Variants in SLFN14 observed in about 807,000 individuals in gnomAD.
SLFN14 encodes schlafen family member 14, also known as protein SLFN14.
SLFN14 carries 47 observed loss-of-function variants against 58.6 expected under a neutral mutation model. That is an observed-to-expected ratio of 0.80 (90% CI 0.64 to 1.02). SLFN14 has a LOEUF of 1.02. Among genes scored for constraint, SLFN14 ranks in the 50% least tolerant of loss-of-function variants. The probability of loss-of-function intolerance (pLI) is 0.00; values close to 1 mark genes in which losing one functional copy is unlikely to be tolerated. For synonymous variants in SLFN14, 390 were observed against 387.3 expected (o/e 1.01, Z -0.08); for missense variants, 967 against 1,078.4 (o/e 0.90, Z 1.45).
Position 35,548,476 on chromosome 17 carries a change from T to A in SLFN14, c.2502A>T (p.Lys834Asn). ...DRGRYRLALLKAMELIETHRP... is the reference protein window; with the variant it reads ...DRGRYRLALLNAMELIETHRP... The stretch of plus-strand genomic sequence containing the variant: ...TGTGGGTCTCAATTAATTCCATTGC[T>A]TTGAGTAGTGCAAGCCTATAGCGTC... Residue 834 changes from lysine to asparagine, a missense_variant, in exon 6 of 6, where the codon AAA (lysine) becomes AAT (asparagine). Lys to Asn is a moderately conservative substitution (Grantham distance 94). Transcript: ENST00000674182. 1.3e-6 allele frequency: 2 copies of A among 1,551,760 alleles called. No individual in the cohort carries two copies. Among genetic ancestry groups the A allele is most frequent in the Non-Finnish European group, 8.7e-7 (1 of 1,147,010 alleles).
chr17:35,553,142 T>C lies in SLFN14; in HGVS notation c.1492A>G (p.Thr498Ala), dbSNP rs2072612941. 1.9e-6 allele frequency: 3 copies of C among 1,551,596 alleles called. No individual in the cohort carries two copies. Among genetic ancestry groups the C allele is most frequent in the Admixed American group, 2.0e-5 (1 of 50,984 alleles). Residue 498 changes from threonine (T) to alanine (A), a missense_variant, in exon 5 of 6, where the codon ACT becomes GCT. Thr to Ala is a moderately conservative substitution (Grantham distance 58, BLOSUM62 0). Coordinates refer to ENST00000674182, the MANE Select transcript of SLFN14 (RefSeq NM_001129820.2). ...TAHQLKQKLQ[T>A]VGGYTGKVCI... ...ACTTTCCCTGTGTAACCACCAACAG[T>C]TTGCAGTTTCTGCTTTAACTGATGA...
chr17:35,555,299 G>A lies in SLFN14; in HGVS notation c.1061-595C>T, dbSNP rs543306384. On this transcript the variant is annotated intron_variant, in intron 3 of 5. Transcript: ENST00000674182. ...AGGCAGGAGAATGGGGTGAACCCAG[G>A]AGACGGAGCTTGCAGTGAGCCGAGA... Among the ~76,000 whole-genome samples, 13 of 152,110 alleles carry A rather than the reference G, an allele frequency of 8.5e-5. No homozygotes were observed. In the East Asian group the frequency reaches 2.5e-3, roughly 29 times the overall value.
intron 3 of SLFN14, among the ~76,000 whole-genome samples, chr17:35,554,964 G>C (rs1478516525): frequency 4.6e-5 from 7 of 152,004 alleles, no homozygotes; most frequent in Non-Finnish European, 1.0e-4. Flanking sequence ...CTCTCACGCT[G>C]GAGTGAAGTA....
chr17:35,548,177 G>A lies in SLFN14; in HGVS notation c.*62C>T. 6.9e-7 allele frequency: 1 copy of A among 1,447,168 alleles called. No individual in the cohort carries two copies. The highest frequency in any genetic ancestry group is 2.2e-5 in the Admixed American group (1 of 45,730). The allele number at this position is 1,447,168 out of a possible 1,614,324, so 89.6% of individuals were successfully genotyped here. A position where few individuals can be genotyped will look rare whatever the true frequency, so the allele number is the denominator to read the frequency against. On this transcript the variant is annotated 3_prime_UTR_variant, in exon 6 of 6. Coordinates refer to ENST00000674182, the MANE Select transcript of SLFN14 (RefSeq NM_001129820.2). Reference sequence around the variant, plus strand: ...CTTGTAATATTAAAATGGAGTCACTGCTACCTGTCTAGGAGAAAGGACTCT... The same window carrying A: ...CTTGTAATATTAAAATGGAGTCACTACTACCTGTCTAGGAGAAAGGACTCT...
At chr17:35,552,705 T>C (rs1174286739) in intron 5 of SLFN14, 25 bp downstream of exon 5, 1 of 1,465,506 alleles carries the variant, frequency 6.8e-7, no homozygotes, top group Non-Finnish European at 9.2e-7. Context: ...TATTTTTGTG[T>C]GTGTGTAGTT....
At chr17:35,553,476 C>T (rs1467376735) in intron 4 of SLFN14, 32 bp from the exon 5 acceptor site, 4 of 1,464,456 alleles carry the variant, frequency 2.7e-6, no homozygotes, top group Admixed American at 5.0e-5. Context: ...GTTACCAAAA[C>T]TTACAAAAGC....
intron 3 of SLFN14, among the ~76,000 whole-genome samples, chr17:35,555,208 T>G (rs1435765383): frequency 1.3e-5 from 2 of 151,568 alleles, no homozygotes; most frequent in African/African-American, 2.4e-5. Flanking sequence ...CCGTCTCTAC[T>G]AAAAACAAAA....
Position 35,549,094 on chromosome 17 carries a change from G to C in SLFN14, c.1905-21C>G, listed in dbSNP as rs981909611. 10 of 1,535,340 alleles carry C rather than the reference G, an allele frequency of 6.5e-6. No individual in the cohort carries two copies. The African/African-American group carries it at 1.4e-4, about 21-fold the overall frequency. Reference sequence around the variant, plus strand: ...GTTGGCTGTAAGGACGGAAAAAACAGGGCTTGAGGCATATCAACAAAGAGA... The same window carrying C: ...GTTGGCTGTAAGGACGGAAAAAACACGGCTTGAGGCATATCAACAAAGAGA... On this transcript the variant is annotated intron_variant, in intron 5 of 5. Transcript: ENST00000674182.
chr17:35,545,552 T>G lies in SLFN14; in HGVS notation c.*2687A>C, dbSNP rs112250211. Among the ~76,000 whole-genome samples the G allele has an allele frequency of 0.022, 3,304 of 152,240 alleles. 102 individuals are homozygous for G. The highest frequency in any genetic ancestry group is 0.069 in the African/African-American group (2,846 of 41,534). On this transcript the variant is annotated 3_prime_UTR_variant, in exon 6 of 6. Transcript: ENST00000674182. ...CTCTGTAACCCAGGCTGGAGTGCAG[T>G]GGAGTAATCATAGGTCACTGTAGCC...
intron 5 of SLFN14, among the ~76,000 whole-genome samples, chr17:35,550,794 G>T (rs1023055472): frequency 2.6e-5 from 4 of 152,124 alleles, no homozygotes; most frequent in Non-Finnish European, 5.9e-5. Context: ...TAAATTAAAA[G>T]TTAGAGATTT....
chr17:35,551,717 T>C (rs2072589395), intron 5 of SLFN14, among the ~76,000 whole-genome samples: 1 of 152,246 alleles, frequency 6.6e-6, no homozygotes, highest in Non-Finnish European at 1.5e-5. Context: ...TTAGACTTGC[T>C]AGCCGCCGAA....
chr17:35,549,172 C>T, intron 5 of SLFN14, 99 bp from the exon 6 acceptor site: 1 of 912,240 alleles, frequency 1.1e-6, no homozygotes, highest in East Asian at 2.6e-5. Flanking sequence ...TTCTCATCTG[C>T]AGGCTGAGTC....
chr17:35,550,940 C>A (rs891493527), intron 5 of SLFN14, among the ~76,000 whole-genome samples: 1 of 152,038 alleles, frequency 6.6e-6, no homozygotes, highest in African/African-American at 2.4e-5. Flanking sequence ...AGCAGAAATA[C>A]CCTATGACTT....
At chr17:35,558,509 G>C (rs2072674793) in intron 2 of SLFN14, among the ~76,000 whole-genome samples, 1 of 150,812 alleles carries the variant, frequency 6.6e-6, no homozygotes, top group Non-Finnish European at 1.5e-5. Context: ...CCTCCTGCCT[G>C]GGCCTCCCTC....
chr17:35,544,873 C>T lies in SLFN14; in HGVS notation c.*3366G>A, dbSNP rs748925692. Among the ~76,000 whole-genome samples the T allele has an allele frequency of 2.0e-5, 3 of 152,112 alleles. No homozygotes were observed. The highest frequency in any genetic ancestry group is 2.9e-5 in the Non-Finnish European group (2 of 68,008). On this transcript the variant is annotated 3_prime_UTR_variant, in exon 6 of 6. Coordinates refer to ENST00000674182, the MANE Select transcript of SLFN14 (RefSeq NM_001129820.2). ...TTGCCTTTCTCCATTTCCGAAGCTT[C>T]CATGATAATATTATATTACCCTTCT... is the stretch of plus-strand genomic sequence containing the variant.
rs1010080646 is a variant in SLFN14, at chr17:35,545,799, C to G, written c.*2440G>C. On this transcript the variant is annotated 3_prime_UTR_variant, in exon 6 of 6. Transcript: ENST00000674182. ...TATTACAGGCACCAGCCACTGCACCCTGCCTGGACAACATTTAATAAATAC... is the reference window on the plus strand; with the variant it reads ...TATTACAGGCACCAGCCACTGCACCGTGCCTGGACAACATTTAATAAATAC... Among the ~76,000 whole-genome samples the G allele has an allele frequency of 6.6e-6, 1 of 152,180 alleles. No individual in the cohort carries two copies. Among genetic ancestry groups the G allele is most frequent in the Non-Finnish European group, 1.5e-5 (1 of 68,030 alleles).
Position 35,557,005 on chromosome 17 carries a change from G to T in SLFN14, c.1058C>A (p.Ser353Ter). 1 of 1,549,474 alleles carries T rather than the reference G, an allele frequency of 6.5e-7. No homozygotes were observed. Among genetic ancestry groups the T allele is most frequent in the South Asian group, 1.2e-5 (1 of 83,742 alleles). The change falls in exon 3 of 6, where the codon TCA becomes TAA. Residue 353 changes from serine (S) to a stop codon, truncating the protein, a stop_gained and splice_region_variant. Transcript: ENST00000674182. LOFTEE classifies it high-confidence loss of function. ...ACAATGACTTCACTTCCCTTTACCT[G>T]ACTGAGTATCCAGCATCATGACCAC... ...QWVVMMLDTQ[S>*]APPSLVTDYN...
Position 35,553,383 on chromosome 17 carries a change from A to G in SLFN14, c.1251T>C (p.His417=), listed in dbSNP as rs562867453. The G allele has an allele frequency of 6.4e-6, 10 of 1,551,572 alleles. No homozygotes were observed. The African/African-American group carries it at 1.4e-4, about 21-fold the overall frequency. ...ESLCKKLFSD[H]KELEGLMKTL... ...TCTTCATTAAACCCTCCAGTTCTTT[A>G]TGATCTGAGAACAGCTTCTTACAGA... Residue 417 remains histidine, a synonymous_variant, in exon 5 of 6, where the codon CAT becomes CAC. Transcript: ENST00000674182.
In SLFN14 at chr17:35,557,139, A is replaced by G. The variant is rs2072659272; in HGVS notation, c.924T>C (p.Tyr308=). The G allele has an allele frequency of 1.3e-6, 2 of 1,551,736 alleles. No homozygotes were observed. The highest frequency in any genetic ancestry group is 2.4e-5 in the East Asian group (1 of 40,924). Residue 308 remains tyrosine (Y), a synonymous_variant, in exon 3 of 6, where the codon TAT becomes TAC. Transcript: ENST00000674182. ...AGGGCTCCACTTGAATCACACAGAC[A>G]TAACCATCCAGGACATCTTTTTGGT... ...NVYQKDVLDG[Y]VCVIQVEPFC...
Sources: allele counts gnomAD v4.1 joint callset (sites outside exome capture counted in the v4.1 genomes callset), GRCh38; gene constraint gnomAD v4.1.1; transcripts MANE v1.5; gene names NCBI Gene and HGNC (gene_info 2026-07-23, HGNC 2026-07-21).